Variants in ADK observed in about 807,000 individuals in gnomAD.
ADK encodes adenosine kinase.
ADK carries 24 observed loss-of-function variants against 44.7 expected under a neutral mutation model. The observed-to-expected ratio is 0.54, with a 90% CI of 0.39 to 0.76. The LOEUF is 0.76. Among genes scored for constraint, ADK ranks in the 30% least tolerant of loss-of-function variants. ADK has a pLI of 0.00. For missense variants in ADK, 321 were observed against 425.1 expected (o/e 0.76, Z 2.15); for synonymous variants, 128 against 142.6 (o/e 0.90, Z 0.73).
intron 6 of ADK, among the ~76,000 whole-genome samples, chr10:74,407,570 T>C (rs1476205365): frequency 6.6e-6 from 1 of 152,216 alleles, no homozygotes; most frequent in Non-Finnish European, 1.5e-5. Flanking sequence ...ACATGTGTAC[T>C]GAAGACTCCA....
intron 3 of ADK, among the ~76,000 whole-genome samples, chr10:74,312,328 A>G (rs1303612714): frequency 6.6e-6 from 1 of 151,820 alleles, no homozygotes; most frequent in Non-Finnish European, 1.5e-5. Flanking sequence ...ATGTGTGTAT[A>G]TATATTATAT....
At chr10:74,221,746 AC>A (rs1258040114) in intron 2 of ADK, among the ~76,000 whole-genome samples, 1 of 145,822 alleles carries the variant, frequency 6.9e-6, no homozygotes, top group Non-Finnish European at 1.5e-5. Flanking sequence ...TCTTTGACAA[AC>A]CTGAGAAAAA....
intron 3 of ADK, among the ~76,000 whole-genome samples, chr10:74,295,187 TGTG>T (rs1334103442): frequency 6.6e-6 from 1 of 151,436 alleles, no homozygotes; most frequent in East Asian, 2.0e-4. Context: ...TTTGGCTGGA[TGTG>T]GTGGCTCACA....
intron 4 of ADK, among the ~76,000 whole-genome samples, chr10:74,316,220 A>G (rs1227823549): frequency 6.6e-6 from 1 of 152,062 alleles, no homozygotes; most frequent in African/African-American, 2.4e-5. Flanking sequence ...AGCCTGGGCA[A>G]CAGAGTGAGA....
At chr10:74,420,912 G>A (rs745852883) in intron 6 of ADK, among the ~76,000 whole-genome samples, 1 of 152,108 alleles carries the variant, frequency 6.6e-6, no homozygotes, top group Admixed American at 6.5e-5. Context: ...GACTAAAAAG[G>A]GGATACAAAA....
chr10:74,527,780 A>G, intron 7 of ADK: 6 of 1,572,130 alleles, frequency 3.8e-6, no homozygotes, highest in Non-Finnish European at 5.3e-6. Flanking sequence ...TCTGAGAGAA[A>G]CCTGACATGT....
At chr10:74,647,452 G>C (rs1449863356) in intron 9 of ADK, among the ~76,000 whole-genome samples, 1 of 152,166 alleles carries the variant, frequency 6.6e-6, no homozygotes, top group African/African-American at 2.4e-5. Context: ...GGTAATTACA[G>C]CTTCTACTAT....
chr10:74,160,643 TTGTGTGCGTGCATGCAGGTAGGGG>T (rs1036684984), intron 1 of ADK, among the ~76,000 whole-genome samples: 32 of 151,656 alleles, frequency 2.1e-4, no homozygotes, highest in Non-Finnish European at 3.5e-4. Context: ...TGCCCGTCTG[TTGTGTGCGTGCATGCAGGTAGGGG>T]TGTGTGCGTG....
In ADK at chr10:74,200,857, A is replaced by G. The variant is rs1427710946; in HGVS notation, c.140+19A>G. The G allele has an allele frequency of 1.4e-6, 2 of 1,470,240 alleles. No homozygotes were observed. The highest frequency in any genetic ancestry group is 1.7e-5 in the Admixed American group (1 of 59,650). 91.1% of individuals were successfully genotyped at this position (1,470,240 alleles called of 1,614,324 possible). On this transcript the variant is annotated intron_variant, in intron 2 of 10. Transcript: ENST00000539909. ...TTGATAAGTAAGTATTAAACTCTTCATATGCACTATGTGGAACTTACATTT... is the reference window on the plus strand; with the variant it reads ...TTGATAAGTAAGTATTAAACTCTTCGTATGCACTATGTGGAACTTACATTT...
chr10:74,434,806 A>G (rs1218767756), intron 6 of ADK, among the ~76,000 whole-genome samples: 1 of 152,188 alleles, frequency 6.6e-6, no homozygotes, highest in African/African-American at 2.4e-5. Flanking sequence ...GCAGGAGCTT[A>G]GTCCAAACTA....
intron 1 of ADK, among the ~76,000 whole-genome samples, chr10:74,195,707 C>CTTTTTTTTTTTTTTTTTTCT (rs1843114609): frequency 1.0e-5 from 1 of 97,526 alleles, no homozygotes; most frequent in Non-Finnish European, 1.9e-5. Context: ...TCTTTTCTTT[C>CTTTTTTTTTTTTTTTTTTCT]TTTTTTTTTT....
At chr10:74,426,579 T>C (rs1844804634) in intron 6 of ADK, among the ~76,000 whole-genome samples, 1 of 151,930 alleles carries the variant, frequency 6.6e-6, no homozygotes, top group Non-Finnish European at 1.5e-5. Flanking sequence ...CAGAAAACAG[T>C]AAAATTAGTT....
At chr10:74,428,496 G>C (rs1844876328) in intron 6 of ADK, among the ~76,000 whole-genome samples, 2 of 152,200 alleles carry the variant, frequency 1.3e-5, no homozygotes, top group African/African-American at 4.8e-5. Flanking sequence ...TGAATTATAA[G>C]CTGTTGGAAA....
intron 4 of ADK, among the ~76,000 whole-genome samples, chr10:74,349,225 A>G (rs1214346966): frequency 6.6e-6 from 1 of 152,140 alleles, no homozygotes; most frequent in African/African-American, 2.4e-5. Flanking sequence ...CTCTGCAGAA[A>G]CCCTACAAGC....
At chr10:74,693,910 A>T (rs1436519154) in intron 10 of ADK, among the ~76,000 whole-genome samples, 1 of 152,166 alleles carries the variant, frequency 6.6e-6, no homozygotes. Flanking sequence ...ACTCACTCCA[A>T]AGGCATGAGT....
intron 3 of ADK, among the ~76,000 whole-genome samples, chr10:74,286,919 T>C (rs2132464625): frequency 6.6e-6 from 1 of 152,266 alleles, no homozygotes; most frequent in South Asian, 2.1e-4. Context: ...ACCCCTGGGC[T>C]CAAGTGATCC....
chr10:74,226,284 T>A (rs1403162332), intron 3 of ADK, among the ~76,000 whole-genome samples: 1 of 152,108 alleles, frequency 6.6e-6, no homozygotes, highest in Non-Finnish European at 1.5e-5. Flanking sequence ...ATTTTTATAT[T>A]TTAGTAGAGA....
intron 6 of ADK, among the ~76,000 whole-genome samples, chr10:74,436,672 C>T (rs1477255722): frequency 1.3e-5 from 2 of 152,072 alleles, no homozygotes; most frequent in African/African-American, 4.8e-5. Flanking sequence ...ATAGCCTTTT[C>T]AAAATGTTGC....
intron 1 of ADK, among the ~76,000 whole-genome samples, chr10:74,187,759 C>T (rs1173599241): frequency 6.6e-6 from 1 of 152,002 alleles, no homozygotes; most frequent in Non-Finnish European, 1.5e-5. Context: ...TGTATTTAGG[C>T]CTATGATCTA....
Sources: allele counts gnomAD v4.1 joint callset (sites outside exome capture counted in the v4.1 genomes callset), GRCh38; gene constraint gnomAD v4.1.1; transcripts MANE v1.5; gene names NCBI Gene and HGNC (gene_info 2026-07-23, HGNC 2026-07-21).